TCEANC: variants seen among roughly 807,000 people sequenced by gnomAD.
TCEANC encodes the protein transcription elongation factor A N-terminal and central domain containing.
A neutral mutation model predicts 8.7 loss-of-function variants in TCEANC; 8 were observed. The observed-to-expected ratio is 0.92, with a 90% CI of 0.54 to 1.65. The LOEUF is 1.65. Among genes scored for constraint, TCEANC ranks in the 40% most tolerant of loss-of-function variants. The pLI, the probability that TCEANC is intolerant of heterozygous loss-of-function variation, is 0.00. For synonymous variants in TCEANC, 78 were observed against 92.9 expected (o/e 0.84, Z 0.92); for missense variants, 255 against 251.9 (o/e 1.01, Z -0.08).
At chrX:13,663,011 A>G (rs1271768673) in exon 2 of TCEANC, 1 of 1,209,522 alleles carries the variant, frequency 8.3e-7, no homozygotes, top group Non-Finnish European at 1.1e-6. Flanking sequence ...GAGTTGCTGG[A>G]TCCCACAACA....
At chrX:13,663,816 A>G (rs1338129436) in exon 2 of TCEANC, 1 of 283,402 alleles carries the variant, frequency 3.5e-6, no homozygotes, top group Non-Finnish European at 6.4e-6. Context: ...AGAACAGCCC[A>G]GCATAAACTG....
rs914289763 is a variant in TCEANC at position 13,662,758 on chromosome X, TC to T, written c.252del (p.Ala86ArgfsTer10). On this transcript the variant is annotated frameshift_variant, in exon 2 of 2. Coordinates refer to ENST00000380600, the Ensembl canonical transcript of TCEANC. LOFTEE classifies it low-confidence loss of function (END_TRUNC). ...GAAAGCTGTTTATAAGCAGACTCAC[TC>T]CAAAGCGAGGAACAGCCCTAAATTA... 8.3e-7 allele frequency: 1 copy of T among 1,209,712 alleles called. No homozygotes were observed. The highest frequency in any genetic ancestry group is 1.1e-6 in the Non-Finnish European group (1 of 895,008).
chrX:13,661,124 T>C lies in TCEANC; in HGVS notation c.-8-1377T>C, dbSNP rs755026918. On this transcript the variant is annotated intron_variant, in intron 1 of 1. Transcript: ENST00000380600. ...CTCCCAAAGTGCTGGGATTACAGGGTGAGTCACCATGCCCGGCCCATATGT... is the reference window on the plus strand; with the variant it reads ...CTCCCAAAGTGCTGGGATTACAGGGCGAGTCACCATGCCCGGCCCATATGT... 8.9e-6 allele frequency among the ~76,000 whole-genome samples: 1 copy of C among 112,291 alleles called. No homozygotes were observed. Among genetic ancestry groups the C allele is most frequent in the Non-Finnish European group, 1.9e-5 (1 of 53,154 alleles).
chrX:13,657,664 C>T (rs1033958294), intron 1 of TCEANC, among the ~76,000 whole-genome samples: 4 of 110,594 alleles, frequency 3.6e-5, no homozygotes, highest in African/African-American at 9.9e-5. Flanking sequence ...AAAAAGTAGC[C>T]GGGCGTGGTG....
chrX:13,661,813 C>T (rs180802262), intron 1 of TCEANC, among the ~76,000 whole-genome samples: 133 of 112,005 alleles, frequency 1.2e-3, no homozygotes, highest in African/African-American at 4.2e-3. Context: ...ACCAGTTAGT[C>T]TAAAGTCATA....
intron 1 of TCEANC, among the ~76,000 whole-genome samples, chrX:13,660,791 G>C (rs189363837): frequency 1.3e-3 from 149 of 111,262 alleles, no homozygotes; most frequent in African/African-American, 4.7e-3. Context: ...GTGGACATAT[G>C]TTTTCATTTC....
At chrX:13,663,490 G>A (rs376047733) in exon 2 of TCEANC, 1 of 1,176,022 alleles carries the variant, frequency 8.5e-7, no homozygotes, top group Non-Finnish European at 1.1e-6. Context: ...AAACCCAGAT[G>A]AACAAATGAT....
At position 13,663,242 on chromosome X, in the gene TCEANC, C is replaced by T. The variant is rs1425732601; in HGVS notation, c.734C>T (p.Ser245Phe). 9 of 1,202,843 alleles carry T rather than the reference C, an allele frequency of 7.5e-6. No homozygotes were observed. The Admixed American group carries it at 2.0e-4, about 27-fold the overall frequency. ...TCTCATTTACAACAAAACTTGCTCT[C>T]TGGGACCACGTCTCCACGAGAATTT... Residue 245 changes from serine to phenylalanine, a missense_variant, in exon 2 of 2, where the codon TCT (serine) becomes TTT (phenylalanine). Physicochemically the swap from Ser to Phe is radical, Grantham distance 155. Coordinates refer to ENST00000380600, the Ensembl canonical transcript of TCEANC.
chrX:13,659,347 T>A (rs1413186627), intron 1 of TCEANC, among the ~76,000 whole-genome samples: 1 of 112,265 alleles, frequency 8.9e-6, no homozygotes, highest in African/African-American at 3.2e-5. Flanking sequence ...TAAGCAATAT[T>A]TGACTCAGGT....
At chrX:13,659,257 A>G (rs940785866) in intron 1 of TCEANC, among the ~76,000 whole-genome samples, 4 of 112,363 alleles carry the variant, frequency 3.6e-5, no homozygotes, top group African/African-American at 1.3e-4. Flanking sequence ...ATGCATTACT[A>G]TTGAAATCAG....
At position 13,662,836 on chromosome X, in the gene TCEANC, A is replaced by C. The variant is rs368382611; in HGVS notation, c.328A>C (p.Ser110Arg). The C allele has an allele frequency of 4.1e-6, 5 of 1,210,190 alleles. No individual in the cohort carries two copies. The African/African-American group carries it at 8.7e-5, about 21-fold the overall frequency. ...AAATTCAGGACCTTCTCATGACCCA[A>C]GTCAGAATGAGACACTGGGCATCTG... The change falls in exon 2 of 2, where the codon AGT becomes CGT. Residue 110 changes from serine to arginine, a missense_variant. Transcript: ENST00000380600.
exon 2 of TCEANC, chrX:13,663,261 A>G: frequency 8.3e-7 from 1 of 1,203,608 alleles, no homozygotes; most frequent in Non-Finnish European, 1.1e-6. Context: ...CGTCTCCACG[A>G]GAATTTGCTG....
intron 1 of TCEANC, among the ~76,000 whole-genome samples, 26 bp from the exon 4 acceptor site, chrX:13,661,005 C>A (rs747599569): frequency 1.5e-4 from 17 of 111,103 alleles, no homozygotes; most frequent in South Asian, 3.8e-4. Flanking sequence ...CCACCACACC[C>A]GGCTAATTTT....
chrX:13,656,782 G>T (rs949443812), intron 1 of TCEANC, among the ~76,000 whole-genome samples: 1 of 112,873 alleles, frequency 8.9e-6, no homozygotes, highest in Non-Finnish European at 1.9e-5. Context: ...AAGGAAGAAA[G>T]TTCTGACACA....
rs759654979 is a variant in TCEANC, at chrX:13,657,845, A to T, written c.-9+2472A>T. Among the ~76,000 whole-genome samples, 6 of 103,565 alleles carry T rather than the reference A, an allele frequency of 5.8e-5. No individual in the cohort carries two copies. The South Asian group carries it at 2.0e-3, about 34-fold the overall frequency. The allele number at this position is 103,565 out of a possible 115,157, so 89.9% of individuals were successfully genotyped here. A position where few individuals can be genotyped will look rare whatever the true frequency, so the allele number is the denominator to read the frequency against. ...AAAAAAAACACACACACACTTGTAC[A>T]CAAATGTTCATAGCAGTATTATTCA... On this transcript the variant is annotated intron_variant, in intron 1 of 1. Transcript: ENST00000380600.
At chrX:13,663,443 G>A (rs2146730237) in exon 2 of TCEANC, 1 of 1,179,510 alleles carries the variant, frequency 8.5e-7, no homozygotes, top group Admixed American at 2.5e-5. Flanking sequence ...GTAATTGACA[G>A]AGGAACACTT....
exon 2 of TCEANC, chrX:13,663,596 G>T (rs191199193): frequency 9.6e-7 from 1 of 1,045,169 alleles, no homozygotes; most frequent in Non-Finnish European, 1.3e-6. Context: ...ACAGATAACC[G>T]GAGTGATACC....
chrX:13,658,898 A>G (rs765574906), intron 1 of TCEANC, among the ~76,000 whole-genome samples: 3 of 112,403 alleles, frequency 2.7e-5, no homozygotes, highest in Non-Finnish European at 5.6e-5. Context: ...ACAAAGGGCC[A>G]TCAATTCAGG....
rs370372330 is a variant in TCEANC at position 13,663,507 on chromosome X, C to A, written c.999C>A (p.Tyr333Ter). Residue 333 changes from tyrosine to a stop codon, truncating the protein, a stop_gained, in exon 2 of 2, where the codon TAC (tyrosine) becomes TAA (stop). Transcript: ENST00000380600. LOFTEE classifies it high-confidence loss of function. ...ACCCAGATGAACAAATGATGACTTA[C>A]GTAATTTGTAACGAATGTGGGGAGC... The A allele has an allele frequency of 3.4e-6, 4 of 1,170,272 alleles. No individual in the cohort carries two copies. In the African/African-American group the frequency reaches 7.1e-5, roughly 21 times the overall value.
Sources: allele counts gnomAD v4.1 joint callset (sites outside exome capture counted in the v4.1 genomes callset), GRCh38; gene constraint gnomAD v4.1.1; transcripts MANE v1.5; gene names NCBI Gene and HGNC (gene_info 2026-07-23, HGNC 2026-07-21).